Variants in CCDC146 observed in about 807,000 individuals in gnomAD.
The protein encoded by CCDC146 is coiled-coil domain-containing protein 146.
A neutral mutation model predicts 119.3 loss-of-function variants in CCDC146; 92 were observed. The observed-to-expected ratio is 0.77, with a 90% CI of 0.65 to 0.92. The LOEUF (loss-of-function observed/expected upper bound fraction) is 0.92. CCDC146 is among the 40% of genes least tolerant of loss of function. The pLI, the probability that CCDC146 is intolerant of heterozygous loss-of-function variation, is 0.00. For missense variants in CCDC146, 1,000 were observed against 1,103.0 expected, an observed-to-expected ratio of 0.91 and a Z score of 1.32; for synonymous variants, 372 against 371.8, an observed-to-expected ratio of 1.00 and a Z score of -0.01.
At chr7:77,179,768 T>A (rs1411533983) in intron 2 of CCDC146, among the ~76,000 whole-genome samples, 1 of 152,240 alleles carries the variant, frequency 6.6e-6, no homozygotes, top group Non-Finnish European at 1.5e-5. Context: ...GTGTACCATT[T>A]GTGTTAAGTA....
At chr7:77,124,614 A>G (rs966583520) in intron 1 of CCDC146, among the ~76,000 whole-genome samples, 6 of 152,212 alleles carry the variant, frequency 3.9e-5, no homozygotes, top group African/African-American at 1.4e-4. Context: ...TATTCACCTC[A>G]TAAGTAGAAA....
chr7:77,271,686 G>A (rs1043706437), intron 9 of CCDC146, among the ~76,000 whole-genome samples: 14 of 151,098 alleles, frequency 9.3e-5, no homozygotes, highest in Non-Finnish European at 1.8e-4. Context: ...TCTTCCACAA[G>A]CCAAGCCTAC....
intron 8 of CCDC146, among the ~76,000 whole-genome samples, chr7:77,261,632 C>A (rs1014880969): frequency 2.3e-4 from 35 of 151,966 alleles, no homozygotes; most frequent in African/African-American, 8.2e-4. Context: ...CGCCCGCCAC[C>A]GCGCCCGGCT....
At chr7:77,243,775 C>T (rs1403897949) in intron 4 of CCDC146, among the ~76,000 whole-genome samples, 2 of 152,142 alleles carry the variant, frequency 1.3e-5, no homozygotes, top group Non-Finnish European at 2.9e-5. Context: ...CTCCTAAATA[C>T]CTGCCAGTGG....
At chr7:77,183,988 T>C (rs987870076) in intron 2 of CCDC146, among the ~76,000 whole-genome samples, 4 of 152,264 alleles carry the variant, frequency 2.6e-5, no homozygotes, top group Admixed American at 1.3e-4. Flanking sequence ...GATTACTGAA[T>C]GTATTTCCTA....
At chr7:77,213,252 A>G (rs1792223899) in intron 2 of CCDC146, among the ~76,000 whole-genome samples, 1 of 151,228 alleles carries the variant, frequency 6.6e-6, no homozygotes, top group Admixed American at 6.6e-5. Context: ...ACTATGCTTG[A>G]CTAATTTTTT....
At chr7:77,136,293 A>G (rs558592326) in intron 1 of CCDC146, among the ~76,000 whole-genome samples, 3 of 152,216 alleles carry the variant, frequency 2.0e-5, no homozygotes, top group Admixed American at 6.5e-5. Context: ...GCAGATATCA[A>G]TGAAATTGAA....
chr7:77,131,023 C>T (rs1326762968), intron 1 of CCDC146, among the ~76,000 whole-genome samples: 1 of 151,872 alleles, frequency 6.6e-6, no homozygotes, highest in Non-Finnish European at 1.5e-5. Context: ...TCCCAAGTAG[C>T]TGGGAATACT....
intron 14 of CCDC146, among the ~76,000 whole-genome samples, chr7:77,280,888 G>A (rs1397531896): frequency 6.6e-6 from 1 of 152,130 alleles, no homozygotes; most frequent in Non-Finnish European, 1.5e-5. Context: ...GATCACTTGA[G>A]CTCAGGAGTT....
Position 77,131,483 on chromosome 7 carries a change from C to T in CCDC146, c.-12+8751C>T, listed in dbSNP as rs1217838999. 3.3e-5 allele frequency among the ~76,000 whole-genome samples: 5 copies of T among 151,926 alleles called. No individual in the cohort carries two copies. In the East Asian group the frequency reaches 5.8e-4, roughly 18 times the overall value. ...CTGTAATCTCAGCACTTTGGGAGGC[C>T]GAGGTGGGCTGATTACTTGAGGTCA... On this transcript the variant is annotated intron_variant, in intron 1 of 18. Coordinates refer to ENST00000285871, the MANE Select transcript of CCDC146 (RefSeq NM_020879.3).
chr7:77,281,569 T>C (rs1450566616), intron 14 of CCDC146, among the ~76,000 whole-genome samples: 1 of 152,144 alleles, frequency 6.6e-6, no homozygotes, highest in East Asian at 1.9e-4. Context: ...GGCATTAGAG[T>C]GCTAGACCTT....
chr7:77,252,371 C>G (rs1004071053), intron 4 of CCDC146, among the ~76,000 whole-genome samples: 1 of 152,080 alleles, frequency 6.6e-6, no homozygotes, highest in Non-Finnish European at 1.5e-5. Flanking sequence ...AAATATGTTC[C>G]AAATGCATCA....
intron 2 of CCDC146, chr7:77,199,656 T>C (rs1168817940): frequency 6.2e-7 from 1 of 1,614,128 alleles, no homozygotes; most frequent in Admixed American, 1.7e-5. Context: ...CGCATTTCCC[T>C]CTGCTTTCTA....
chr7:77,149,326 C>T (rs10280250), intron 1 of CCDC146, among the ~76,000 whole-genome samples: 5,670 of 152,114 alleles, frequency 0.037, 343 homozygotes, highest in African/African-American at 0.13. Context: ...CAAAAATTAA[C>T]TTAAGATGGA....
chr7:77,195,316 A>G (rs987350959), intron 2 of CCDC146: 1 of 152,178 alleles, frequency 6.6e-6, no homozygotes, highest in Non-Finnish European at 1.5e-5. Context: ...CTATAAATGA[A>G]TTACCTTTAA....
At chr7:77,283,670 C>CAA (rs1793801391) in intron 15 of CCDC146, among the ~76,000 whole-genome samples, 1 of 152,092 alleles carries the variant, frequency 6.6e-6, no homozygotes, top group African/African-American at 2.4e-5. Context: ...GACATCTTGT[C>CAA]ATTTATTTTC....
At chr7:77,226,289 A>AG (rs1792512379) in intron 2 of CCDC146, among the ~76,000 whole-genome samples, 1 of 152,244 alleles carries the variant, frequency 6.6e-6, no homozygotes, top group African/African-American at 2.4e-5. Context: ...AAAGCATGCC[A>AG]GCCATTCCCC....
At chr7:77,277,670 G>C (rs1793675229) in intron 11 of CCDC146, among the ~76,000 whole-genome samples, 1 of 152,046 alleles carries the variant, frequency 6.6e-6, no homozygotes, top group Non-Finnish European at 1.5e-5. Flanking sequence ...TATTATTCAT[G>C]TGTACAGTTA....
intron 2 of CCDC146, among the ~76,000 whole-genome samples, chr7:77,217,268 AG>A (rs1238567152): frequency 2.6e-5 from 4 of 152,006 alleles, no homozygotes; most frequent in African/African-American, 9.7e-5. Context: ...CATTCCAAAA[AG>A]CTTGTGCAAC....
Sources: allele counts gnomAD v4.1 joint callset (sites outside exome capture counted in the v4.1 genomes callset), GRCh38; gene constraint gnomAD v4.1.1; transcripts MANE v1.5; gene names NCBI Gene and HGNC (gene_info 2026-07-23, HGNC 2026-07-21).